TIMM17A: variants seen among roughly 807,000 people sequenced by gnomAD.
The protein encoded by TIMM17A is translocase of inner mitochondrial membrane 17A, also known as mitochondrial import inner membrane translocase subunit Tim17-A.
TIMM17A carries 15 observed loss-of-function variants against 26.5 expected under a neutral mutation model. That is an observed-to-expected ratio of 0.57 (90% CI 0.38 to 0.87). The LOEUF (loss-of-function observed/expected upper bound fraction) is 0.87. Among genes scored for constraint, TIMM17A ranks in the 40% least tolerant of loss-of-function variants. TIMM17A has a pLI of 0.00. For synonymous variants in TIMM17A, 80 were observed against 70.8 expected (o/e 1.13, Z -0.66); for missense variants, 201 against 210.0 (o/e 0.96, Z 0.27).
chr1:201,958,231 T>C (rs1245072147), intron 3 of TIMM17A, among the ~76,000 whole-genome samples: 1 of 152,200 alleles, frequency 6.6e-6, no homozygotes, highest in Non-Finnish European at 1.5e-5. Context: ...TGGGGTTTCA[T>C]GCAGGAGAAA....
At chr1:201,968,619 C>T (rs893735953) in intron 5 of TIMM17A, among the ~76,000 whole-genome samples, 1 of 151,976 alleles carries the variant, frequency 6.6e-6, no homozygotes, top group Non-Finnish European at 1.5e-5. Flanking sequence ...GGTGATCTGC[C>T]CGCCTCAACC....
chr1:201,959,142 G>A (rs1238596975), intron 3 of TIMM17A, among the ~76,000 whole-genome samples: 1 of 152,188 alleles, frequency 6.6e-6, no homozygotes, highest in Non-Finnish European at 1.5e-5. Context: ...TTTTCAGTGA[G>A]TTAAAATACC....
Position 201,964,635 on chromosome 1 carries a change from C to CTTTTTTT in TIMM17A, c.320-773_320-767dup, listed in dbSNP as rs570309464. Among the ~76,000 whole-genome samples the CTTTTTTT allele has an allele frequency of 5.3e-4, 48 of 90,948 alleles. 4 individuals carry two copies. The highest frequency in any genetic ancestry group is 8.2e-4 in the African/African-American group (16 of 19,464). The allele number at this position is 90,948 out of a possible 152,430, so 59.7% of individuals were successfully genotyped here. ...TTTATTTATTTATTTTATTTTATTT[C>CTTTTTTT]TTTTTTTTTTTTTTTTTTTTTTTTT... is the stretch of plus-strand genomic sequence containing the variant. On this transcript the variant is annotated intron_variant, in intron 4 of 5. Transcript: ENST00000367287.
intron 4 of TIMM17A, among the ~76,000 whole-genome samples, chr1:201,965,157 G>A (rs1301459669): frequency 6.6e-6 from 1 of 150,800 alleles, no homozygotes; most frequent in East Asian, 2.0e-4. Context: ...TCCCCATGTT[G>A]GCCAGGCTGG....
chr1:201,957,796 G>A (rs1285635334), intron 3 of TIMM17A: 3 of 399,614 alleles, frequency 7.5e-6, no homozygotes, highest in Admixed American at 7.0e-5. Flanking sequence ...TCAGACACTC[G>A]GTGATTTTTT....
chr1:201,960,604 C>A (rs1682506676), intron 3 of TIMM17A, among the ~76,000 whole-genome samples: 1 of 151,934 alleles, frequency 6.6e-6, no homozygotes, highest in South Asian at 2.1e-4. Context: ...TTTTAGGAAG[C>A]TATTGAGAAG....
At chr1:201,955,579 T>A in intron 1 of TIMM17A, 27 bp downstream of exon 1, 1 of 1,614,194 alleles carries the variant, frequency 6.2e-7, no homozygotes, top group Non-Finnish European at 8.5e-7. Flanking sequence ...TCTTTGCATT[T>A]CTCTTGCCCC....
At position 201,955,521 on chromosome 1, in the gene TIMM17A, G is replaced by A; in HGVS notation, c.-6G>A. 2 of 1,614,266 alleles carry A rather than the reference G, an allele frequency of 1.2e-6. No homozygotes were observed. Among genetic ancestry groups the A allele is most frequent in the African/African-American group, 1.3e-5 (1 of 75,084 alleles). On this transcript the variant is annotated 5_prime_UTR_variant, in exon 1 of 6. Transcript: ENST00000367287. ...GCCCGGCATCACTCGCGGCATTGGA[G>A]TCAAGATGGAGGAGTACGCGCGAGA...
intron 5 of TIMM17A, among the ~76,000 whole-genome samples, 153 bp downstream of exon 5, chr1:201,965,696 A>G (rs901113383): frequency 2.6e-5 from 4 of 152,262 alleles, no homozygotes; most frequent in Non-Finnish European, 5.9e-5. Context: ...TGAACATGTT[A>G]TATTTAGCCA....
intron 4 of TIMM17A, among the ~76,000 whole-genome samples, chr1:201,964,635 C>CTTTTTTTTTTTTTTTTTTTTTTTTTTT (rs570309464): frequency 4.4e-5 from 4 of 90,954 alleles, no homozygotes; most frequent in African/African-American, 1.5e-4. Flanking sequence ...TATTTTATTT[C>CTTTTTTTTTTTTTTTTTTTTTTTTTTT]TTTTTTTTTT....
intron 5 of TIMM17A, among the ~76,000 whole-genome samples, chr1:201,966,991 T>TTGTGTGTG (rs759557626): frequency 8.4e-4 from 112 of 133,082 alleles, no homozygotes; most frequent in African/African-American, 2.0e-3. Context: ...ATTATATATG[T>TTGTGTGTG]TGTGTGTGTG....
chr1:201,964,635 C>T (rs376803197), intron 4 of TIMM17A, among the ~76,000 whole-genome samples: 15 of 90,950 alleles, frequency 1.6e-4, no homozygotes, highest in African/African-American at 3.6e-4. Context: ...TATTTTATTT[C>T]TTTTTTTTTT....
At chr1:201,961,121 A>G (rs1392301789) in intron 3 of TIMM17A, among the ~76,000 whole-genome samples, 1 of 146,990 alleles carries the variant, frequency 6.8e-6, no homozygotes, top group Admixed American at 7.0e-5. Context: ...GCTAGAGTGC[A>G]ATGGCGCGGT....
intron 4 of TIMM17A, among the ~76,000 whole-genome samples, chr1:201,963,986 G>C (rs927526842): frequency 6.6e-6 from 1 of 152,052 alleles, no homozygotes; most frequent in Non-Finnish European, 1.5e-5. Context: ...GGGTGTGTTG[G>C]TGCATGCCTA....
At chr1:201,965,802 A>AT (rs2102945453) in intron 5 of TIMM17A, among the ~76,000 whole-genome samples, 1 of 152,352 alleles carries the variant, frequency 6.6e-6, no homozygotes, top group Non-Finnish European at 1.5e-5. Flanking sequence ...ATGTCTGATC[A>AT]TTTTAAAGGG....
At chr1:201,958,225 G>A (rs1682464760) in intron 3 of TIMM17A, among the ~76,000 whole-genome samples, 2 of 152,292 alleles carry the variant, frequency 1.3e-5, no homozygotes, top group South Asian at 2.1e-4. Context: ...AAGGATTGGG[G>A]TTTCATGCAG....
At chr1:201,957,600 A>T (rs756005311) in intron 3 of TIMM17A, 26 bp downstream of exon 3, 2 of 1,580,510 alleles carry the variant, frequency 1.3e-6, no homozygotes, top group Non-Finnish European at 1.7e-6. Context: ...ATTTTAACTG[A>T]ACTATTTTTT....
chr1:201,965,498 G>T lies in TIMM17A; in HGVS notation c.385G>T (p.Ala129Ser). ...GGILLALIEG[A>S]GILLTRFASA... ...CATTCTCCTAGCTTTAATTGAAGGA[G>T]CTGGTATCTTGTTGACAAGATTTGC... Residue 129 changes from alanine to serine, a missense_variant, in exon 5 of 6, where the codon GCT (alanine) becomes TCT (serine). By Grantham distance (99) the Ala-to-Ser change is moderately conservative. Coordinates refer to ENST00000367287, the MANE Select transcript of TIMM17A (RefSeq NM_006335.3). The T allele has an allele frequency of 6.2e-7, 1 of 1,614,216 alleles. No homozygotes were observed. The highest frequency in any genetic ancestry group is 8.5e-7 in the Non-Finnish European group (1 of 1,180,022).
intron 3 of TIMM17A, among the ~76,000 whole-genome samples, chr1:201,959,456 C>G (rs1219792657): frequency 6.6e-6 from 1 of 151,900 alleles, no homozygotes; most frequent in African/African-American, 2.4e-5. Context: ...GAGTTTGAGA[C>G]CAGCCTGGCC....
Sources: allele counts gnomAD v4.1 joint callset (sites outside exome capture counted in the v4.1 genomes callset), GRCh38; gene constraint gnomAD v4.1.1; transcripts MANE v1.5; gene names NCBI Gene and HGNC (gene_info 2026-07-23, HGNC 2026-07-21).